Variants in PRRX1 observed in about 807,000 individuals in gnomAD.
The protein encoded by PRRX1 is paired mesoderm homeobox protein 1.
PRRX1 carries 8 observed loss-of-function variants against 24.0 expected under a neutral mutation model. The observed-to-expected ratio is 0.33, with a 90% CI of 0.20 to 0.60. PRRX1 has a LOEUF of 0.60. Among genes scored for constraint, PRRX1 ranks in the 20% least tolerant of loss-of-function variants. The probability of loss-of-function intolerance (pLI) is 0.82; values close to 1 mark genes in which losing one functional copy is unlikely to be tolerated. For synonymous variants in PRRX1, 160 were observed against 131.7 expected (o/e 1.22, Z -1.47); for missense variants, 281 against 322.4 (o/e 0.87, Z 0.98).
chr1:170,726,512 T>C, intron 3 of PRRX1, 111 bp downstream of exon 3: 2 of 1,273,160 alleles, frequency 1.6e-6, no homozygotes, highest in Non-Finnish European at 2.2e-6. Context: ...GGTTAATCTC[T>C]TCAGAGACAT....
At chr1:170,722,659 A>G (rs1571345714) in intron 2 of PRRX1, 1 of 152,240 alleles carries the variant, frequency 6.6e-6, no homozygotes, top group Non-Finnish European at 1.5e-5. Context: ...CCAATTCTCA[A>G]AACTATCCTG....
chr1:170,666,729 C>T (rs1040263316), intron 1 of PRRX1, among the ~76,000 whole-genome samples: 3 of 152,118 alleles, frequency 2.0e-5, no homozygotes, highest in African/African-American at 7.2e-5. Flanking sequence ...GCCGTGGTGG[C>T]CCTCAGATAC....
rs565061945 is a variant in PRRX1 at position 170,729,582 on chromosome 1, A to G, written c.599+3181A>G. On this transcript the variant is annotated intron_variant, in intron 3 of 3. Transcript: ENST00000239461. ...GGGACATTTTTTAGAGTGAAAGGGG[A>G]GCATTATTAATAATTATACTAGGAC... 3.3e-5 allele frequency among the ~76,000 whole-genome samples: 5 copies of G among 152,256 alleles called. No homozygotes were observed. The South Asian group carries it at 8.3e-4, about 25-fold the overall frequency.
chr1:170,664,527 G>A, intron 1 of PRRX1, 68 bp downstream of exon 1: 1 of 1,523,910 alleles, frequency 6.6e-7, no homozygotes, highest in South Asian at 1.2e-5. Flanking sequence ...GTGTAGGGCA[G>A]CTAGAGCCCG....
At chr1:170,721,202 G>A (rs926467881) in intron 2 of PRRX1, among the ~76,000 whole-genome samples, 6 of 152,178 alleles carry the variant, frequency 3.9e-5, no homozygotes, top group Non-Finnish European at 8.8e-5. Flanking sequence ...GCTTTGTTGT[G>A]TCTCTGCTGA....
chr1:170,726,683 G>T (rs1383053231), intron 3 of PRRX1: 1 of 395,550 alleles, frequency 2.5e-6, no homozygotes, highest in Non-Finnish European at 4.6e-6. Flanking sequence ...TAAAAGAAAA[G>T]ATCATTAAGC....
chr1:170,682,797 A>G (rs1653599740), intron 1 of PRRX1, among the ~76,000 whole-genome samples: 1 of 152,234 alleles, frequency 6.6e-6, no homozygotes, highest in African/African-American at 2.4e-5. Context: ...AAGTAATTCA[A>G]TTGTGATTAG....
At chr1:170,690,538 A>G (rs980072761) in intron 1 of PRRX1, among the ~76,000 whole-genome samples, 2 of 151,900 alleles carry the variant, frequency 1.3e-5, no homozygotes, top group Non-Finnish European at 1.5e-5. Flanking sequence ...ATTTATAATA[A>G]TATTCATAAG....
In PRRX1 at chr1:170,736,311, T is replaced by C. The variant is rs1655602482; in HGVS notation, c.*125T>C. 3.8e-6 allele frequency: 5 copies of C among 1,331,416 alleles called. No individual in the cohort carries two copies. Among genetic ancestry groups the C allele is most frequent in the Non-Finnish European group, 5.2e-6 (5 of 955,064 alleles). 82.5% of individuals were successfully genotyped at this position (1,331,416 alleles called of 1,614,324 possible). A position where few individuals can be genotyped will look rare whatever the true frequency, so the allele number is the denominator to read the frequency against. On this transcript the variant is annotated 3_prime_UTR_variant, in exon 4 of 4. Transcript: ENST00000239461. ...TACAAACAAACAAACAAAGCAGAAC[T>C]AAAATATTGGGACCATGGCAGAGAA...
chr1:170,730,383 G>C (rs1655398857), intron 3 of PRRX1: 1 of 1,550,820 alleles, frequency 6.4e-7, no homozygotes, highest in African/African-American at 1.4e-5. Context: ...GTGGCTGCTT[G>C]GGGTAGGGTT....
intron 1 of PRRX1, among the ~76,000 whole-genome samples, chr1:170,712,151 A>G (rs1558057383): frequency 6.6e-6 from 1 of 152,084 alleles, no homozygotes; most frequent in Non-Finnish European, 1.5e-5. Context: ...AAAGGTACCA[A>G]TTGCTTATCC....
chr1:170,706,413 TA>T (rs911323475), intron 1 of PRRX1, among the ~76,000 whole-genome samples: 10 of 152,194 alleles, frequency 6.6e-5, no homozygotes, highest in African/African-American at 2.4e-4. Context: ...AAAGAGTTAT[TA>T]AAAACAATTT....
intron 3 of PRRX1, among the ~76,000 whole-genome samples, chr1:170,734,748 G>A (rs1655549848): frequency 1.3e-5 from 2 of 152,100 alleles, no homozygotes; most frequent in Admixed American, 1.3e-4. Flanking sequence ...GAAAGACCTA[G>A]TGATCTGGGA....
intron 1 of PRRX1, among the ~76,000 whole-genome samples, chr1:170,671,725 TCTC>T (rs1056557304): frequency 2.0e-5 from 3 of 152,272 alleles, no homozygotes; most frequent in Non-Finnish European, 2.9e-5. Context: ...GCTGCCTGCC[TCTC>T]CTCCTTTCAA....
chr1:170,700,259 G>C (rs1298641970), intron 1 of PRRX1, among the ~76,000 whole-genome samples: 1 of 152,162 alleles, frequency 6.6e-6, no homozygotes, highest in Non-Finnish European at 1.5e-5. Context: ...GTAGGTCTCA[G>C]GTGAAATGTT....
chr1:170,686,179 C>CAAAAAAAAA (rs397754426), intron 1 of PRRX1, among the ~76,000 whole-genome samples: 7 of 105,228 alleles, frequency 6.7e-5, no homozygotes, highest in African/African-American at 2.4e-4. Context: ...GTTAAGGGTA[C>CAAAAAAAAA]AAAAAAAAAA....
At position 170,737,540 on chromosome 1, in the gene PRRX1, A is replaced by G. The variant is rs902965230; in HGVS notation, c.*1354A>G. The G allele has an allele frequency of 3.3e-5, 7 of 210,206 alleles. No individual in the cohort carries two copies. Among genetic ancestry groups the G allele is most frequent in the Non-Finnish European group, 6.8e-5 (7 of 103,380 alleles). The allele number at this position is 210,206 out of a possible 1,614,324, so 13.0% of individuals were successfully genotyped here. A position where few individuals can be genotyped will look rare whatever the true frequency, so the allele number is the denominator to read the frequency against. Reference sequence around the variant, plus strand: ...GTCATCTATCCGTTCTTCACTTAGCAGGAATATGAAAGAAAGGCACATGTT... The same window carrying G: ...GTCATCTATCCGTTCTTCACTTAGCGGGAATATGAAAGAAAGGCACATGTT... On this transcript the variant is annotated 3_prime_UTR_variant, in exon 4 of 4. Transcript: ENST00000239461.
chr1:170,727,803 C>A (rs1655304981), intron 3 of PRRX1: 1 of 152,136 alleles, frequency 6.6e-6, no homozygotes, highest in Admixed American at 6.6e-5. Flanking sequence ...CCTTACTGAT[C>A]TTGAAACATT....
rs920753128 is a variant in PRRX1, at chr1:170,728,928, T to A, written c.599+2527T>A. 2.2e-4 allele frequency: 34 copies of A among 152,220 alleles called. 1 individual carries two copies. The highest frequency in any genetic ancestry group is 1.0e-4 in the Non-Finnish European group (7 of 68,040). The allele number at this position is 152,220 out of a possible 1,614,324, so 9.4% of individuals were successfully genotyped here. A position where few individuals can be genotyped will look rare whatever the true frequency, so the allele number is the denominator to read the frequency against. On this transcript the variant is annotated intron_variant, in intron 3 of 3. Coordinates refer to ENST00000239461, the MANE Select transcript of PRRX1 (RefSeq NM_022716.4). The stretch of plus-strand genomic sequence containing the variant: ...TGATAGACTTTTGTGTTATGAAAAA[T>A]TAACTCACTGTTCTTGTTGGTACTA...
Sources: gnomAD v4.1 joint callset for allele counts (sites outside exome capture counted in the v4.1 genomes callset) on GRCh38, gnomAD v4.1.1 for gene constraint, MANE v1.5 for transcripts, NCBI Gene and HGNC (gene_info 2026-07-23, HGNC 2026-07-21) for gene names.